ADAMTS12: variants seen among roughly 807,000 people sequenced by gnomAD.
ADAMTS12 encodes ADAM metallopeptidase with thrombospondin type 1 motif 12, also known as A disintegrin and metalloproteinase with thrombospondin motifs 12.
In ADAMTS12, 118 loss-of-function variants were observed where a neutral mutation model predicts 167.8. The observed-to-expected ratio is 0.70, with a 90% confidence interval of 0.61 to 0.82. The LOEUF (loss-of-function observed/expected upper bound fraction) is 0.82. ADAMTS12 is among the 40% of genes least tolerant of loss of function. The pLI, the probability that ADAMTS12 is intolerant of heterozygous loss-of-function variation, is 0.00. For missense variants in ADAMTS12, 1,916 were observed against 1,998.8 expected, an observed-to-expected ratio of 0.96 and a Z score of 0.79; for synonymous variants, 704 against 716.9, an observed-to-expected ratio of 0.98 and a Z score of 0.29.
chr5:33,703,326 C>T (rs952008875), intron 3 of ADAMTS12, among the ~76,000 whole-genome samples: 11 of 152,210 alleles, frequency 7.2e-5, no homozygotes, highest in African/African-American at 2.6e-4. Flanking sequence ...ACCCATGATA[C>T]CATCAAACCA....
chr5:33,776,634 C>A (rs1745918789), intron 2 of ADAMTS12, among the ~76,000 whole-genome samples: 1 of 151,888 alleles, frequency 6.6e-6, no homozygotes, highest in African/African-American at 2.4e-5. Context: ...AAATCTCAAA[C>A]AACCTAGCTA....
intron 2 of ADAMTS12, among the ~76,000 whole-genome samples, chr5:33,779,948 G>T (rs146604970): frequency 6.6e-6 from 1 of 152,122 alleles, no homozygotes; most frequent in African/African-American, 2.4e-5. Flanking sequence ...ATATTGTATT[G>T]TGCATTTGAA....
intron 16 of ADAMTS12, among the ~76,000 whole-genome samples, chr5:33,609,368 CTTTTTTT>C (rs66470839): frequency 2.1e-5 from 3 of 141,336 alleles, no homozygotes; most frequent in East Asian, 2.1e-4. Context: ...AAAAATTTAA[CTTTTTTT>C]TTTTTTTTTT....
chr5:33,620,227 T>C (rs1051103575), intron 14 of ADAMTS12, among the ~76,000 whole-genome samples: 1 of 152,268 alleles, frequency 6.6e-6, no homozygotes, highest in Non-Finnish European at 1.5e-5. Context: ...TTATGGTACA[T>C]ATCAAGCAAT....
chr5:33,829,094 C>T (rs903056651), intron 2 of ADAMTS12, among the ~76,000 whole-genome samples: 5 of 152,144 alleles, frequency 3.3e-5, no homozygotes, highest in African/African-American at 1.2e-4. Flanking sequence ...AAACCTCTTT[C>T]ATCACGTAAT....
In ADAMTS12 at chr5:33,614,275, G is replaced by A. The variant is rs370751986; in HGVS notation, c.2490C>T (p.Tyr830=). The A allele has an allele frequency of 6.3e-5, 102 of 1,613,864 alleles. No individual in the cohort carries two copies. The highest frequency in any genetic ancestry group is 2.7e-4 in the African/African-American group (20 of 74,928). ...TCACACTGCACTCTGTCCAGTGGCC[G>A]TACTGCCAGAAGTACATCTGCTGCT... ...DVEQQMYFWQ[Y]GHWTECSVTC... is the part of the protein sequence containing the mutation. Residue 830 remains tyrosine (Y), a synonymous_variant, in exon 16 of 24, where the codon TAC becomes TAT. Coordinates refer to ENST00000504830, the MANE Select transcript of ADAMTS12 (RefSeq NM_030955.4).
chr5:33,611,313 C>A (rs758588629), intron 16 of ADAMTS12, among the ~76,000 whole-genome samples: 1 of 150,832 alleles, frequency 6.6e-6, no homozygotes, highest in Admixed American at 6.6e-5. Flanking sequence ...ATGTGGAATG[C>A]GCTTCTTGAT....
intron 23 of ADAMTS12, among the ~76,000 whole-genome samples, chr5:33,531,744 C>T (rs191876933): frequency 1.3e-5 from 2 of 152,274 alleles, no homozygotes; most frequent in East Asian, 3.9e-4. Flanking sequence ...GAGACTCAAC[C>T]AAGCCTGGAA....
At chr5:33,882,162 A>G (rs1750470652) in intron 1 of ADAMTS12, among the ~76,000 whole-genome samples, 1 of 152,198 alleles carries the variant, frequency 6.6e-6, no homozygotes, top group African/African-American at 2.4e-5. Context: ...AAGGTGCTTC[A>G]ACACATCAAG....
chr5:33,791,840 T>C (rs1272097106), intron 2 of ADAMTS12, among the ~76,000 whole-genome samples: 1 of 147,110 alleles, frequency 6.8e-6, no homozygotes, highest in Non-Finnish European at 1.5e-5. Flanking sequence ...GCTTTACTAA[T>C]ACCCATCCTC....
intron 16 of ADAMTS12, among the ~76,000 whole-genome samples, chr5:33,611,337 CTTT>C (rs78216415): frequency 7.1e-6 from 1 of 140,936 alleles, no homozygotes. Flanking sequence ...AGCTGTGGGA[CTTT>C]TTTTTTTTTT....
At chr5:33,890,032 T>C (rs1215047843) in intron 1 of ADAMTS12, among the ~76,000 whole-genome samples, 1 of 152,204 alleles carries the variant, frequency 6.6e-6, no homozygotes, top group Non-Finnish European at 1.5e-5. Flanking sequence ...TTATAGGTTT[T>C]TTGAACAGTG....
At position 33,881,343 on chromosome 5, in the gene ADAMTS12, C is replaced by T. The variant is rs1475880471; in HGVS notation, c.265G>A (p.Asp89Asn). The change falls in exon 2 of 24, where the codon GAC becomes AAC. Residue 89 changes from aspartate (D) to asparagine (N), a missense_variant. Transcript: ENST00000504830. The part of the protein sequence containing the change: ...RRKRDLDGSE[D>N]WVYYRISHEE... ...TGAGAAATTCTGTAGTACACCCAGT[C>T]CTCTGAGCCATCCAAATCTCTCTTC... The T allele has an allele frequency of 1.9e-6, 3 of 1,614,086 alleles. No individual in the cohort carries two copies. The highest frequency in any genetic ancestry group is 1.1e-5 in the South Asian group (1 of 91,088).
chr5:33,642,396 C>G (rs1278107531), intron 10 of ADAMTS12, among the ~76,000 whole-genome samples: 1 of 152,160 alleles, frequency 6.6e-6, no homozygotes, highest in Non-Finnish European at 1.5e-5. Flanking sequence ...GCGAATAGCA[C>G]TTCTTTATAG....
chr5:33,669,438 T>C (rs1000454780), intron 5 of ADAMTS12, among the ~76,000 whole-genome samples: 1 of 152,086 alleles, frequency 6.6e-6, no homozygotes, highest in Non-Finnish European at 1.5e-5. Flanking sequence ...TACCAATAGG[T>C]AAAGTCCAAG....
chr5:33,739,077 G>T (rs1744472919), intron 3 of ADAMTS12, among the ~76,000 whole-genome samples: 1 of 152,114 alleles, frequency 6.6e-6, no homozygotes, highest in African/African-American at 2.4e-5. Flanking sequence ...CCTCTCTGTT[G>T]ACTGAGAGAA....
chr5:33,677,713 C>T (rs374233968), intron 5 of ADAMTS12, among the ~76,000 whole-genome samples: 2 of 152,180 alleles, frequency 1.3e-5, no homozygotes, highest in African/African-American at 4.8e-5. Context: ...AGCTGGCTCC[C>T]ATCTGAACTC....
intron 18 of ADAMTS12, among the ~76,000 whole-genome samples, chr5:33,584,856 G>T (rs1747259101): frequency 6.6e-6 from 1 of 152,076 alleles, no homozygotes; most frequent in East Asian, 1.9e-4. Flanking sequence ...GGTCCTATAA[G>T]GAAAAATCAT....
chr5:33,685,375 G>T (rs981059863), intron 3 of ADAMTS12, among the ~76,000 whole-genome samples: 2 of 152,198 alleles, frequency 1.3e-5, no homozygotes, highest in Non-Finnish European at 2.9e-5. Flanking sequence ...GTTCTCTGAA[G>T]CATCTAGGAC....
Sources: allele counts gnomAD v4.1 joint callset (sites outside exome capture counted in the v4.1 genomes callset), GRCh38; gene constraint gnomAD v4.1.1; transcripts MANE v1.5; gene names NCBI Gene and HGNC (gene_info 2026-07-23, HGNC 2026-07-21).